PHKG1: variants seen among roughly 807,000 people sequenced by gnomAD.
PHKG1 encodes phosphorylase b kinase gamma catalytic chain, skeletal muscle/heart isoform.
Under a neutral mutation model 50.5 loss-of-function variants are expected in PHKG1, and 48 were observed. That is an observed-to-expected ratio of 0.95 (90% CI 0.75 to 1.21). The LOEUF is 1.21. PHKG1 is among the 50% of genes most tolerant of loss of function. PHKG1 has a pLI of 0.00. For missense variants in PHKG1, 487 were observed against 519.5 expected, an observed-to-expected ratio of 0.94 and a Z score of 0.61; for synonymous variants, 204 against 212.8, an observed-to-expected ratio of 0.96 and a Z score of 0.36.
At chr7:56,089,414 C>A (rs970546453) in intron 1 of PHKG1, among the ~76,000 whole-genome samples, 2 of 142,594 alleles carry the variant, frequency 1.4e-5, no homozygotes, top group Non-Finnish European at 3.1e-5. Flanking sequence ...AAAAAAAAAT[C>A]TTTGTAGAGA....
intron 6 of PHKG1, 42 bp from the exon 7 acceptor site, chr7:56,082,295 C>T (rs1406386362): frequency 6.6e-7 from 1 of 1,510,546 alleles, no homozygotes; most frequent in Non-Finnish European, 9.1e-7. Flanking sequence ...GCAGGGCACT[C>T]AGAAGAGGAA....
Sources: gnomAD v4.1 joint callset for allele counts (sites outside exome capture counted in the v4.1 genomes callset) on GRCh38, gnomAD v4.1.1 for gene constraint, MANE v1.5 for transcripts, NCBI Gene and HGNC (gene_info 2026-07-23, HGNC 2026-07-21) for gene names.